GRIP1: variants seen among roughly 807,000 people sequenced by gnomAD.
The protein encoded by GRIP1 is glutamate receptor interacting protein 1.
GRIP1 carries 45 observed loss-of-function variants against 129.9 expected under a neutral mutation model. That is an observed-to-expected ratio of 0.35 (90% CI 0.27 to 0.44). The LOEUF (loss-of-function observed/expected upper bound fraction) is 0.44. GRIP1 is among the 20% of genes least tolerant of loss of function. The pLI is 1.00. For missense variants in GRIP1, 1,196 were observed against 1,396.8 expected (o/e 0.86, Z 2.29); for synonymous variants, 530 against 520.8 (o/e 1.02, Z -0.24).
chr12:66,683,934 T>C (rs1369193151), upstream of GRIP1, among the ~76,000 whole-genome samples: 1 of 152,210 alleles, frequency 6.6e-6, no homozygotes, highest in East Asian at 1.9e-4. Context: ...GAGAGAATGG[T>C]GTAATGGCCA....
At chr12:66,661,712 CT>C (rs1235773894) in intron 1 of GRIP1, among the ~76,000 whole-genome samples, 11 of 152,016 alleles carry the variant, frequency 7.2e-5, no homozygotes, top group Admixed American at 7.2e-4. Flanking sequence ...AAATATTTTT[CT>C]GAGTTTTTGT....
intron 1 of GRIP1, among the ~76,000 whole-genome samples, chr12:66,931,920 C>G (rs528920477): frequency 6.6e-6 from 1 of 152,198 alleles, no homozygotes; most frequent in Non-Finnish European, 1.5e-5. Context: ...TTGAAGGCTT[C>G]TTACAACCAA....
chr12:66,550,060 TAAA>T (rs796651801), intron 2 of GRIP1, among the ~76,000 whole-genome samples: 1 of 151,676 alleles, frequency 6.6e-6, no homozygotes, highest in Non-Finnish European at 1.5e-5. Flanking sequence ...AGCATTAAGT[TAAA>T]AAAAAATCCC....
chr12:66,561,106 C>T (rs1247651067), intron 2 of GRIP1, among the ~76,000 whole-genome samples: 1 of 152,064 alleles, frequency 6.6e-6, no homozygotes, highest in African/African-American at 2.4e-5. Flanking sequence ...CACATGTTGT[C>T]ACTTAATTGT....
intron 16 of GRIP1, among the ~76,000 whole-genome samples, chr12:66,395,169 T>TATGGG (rs2056742748): frequency 6.6e-6 from 1 of 152,226 alleles, no homozygotes; most frequent in Non-Finnish European, 1.5e-5. Flanking sequence ...TGGGCCGCCT[T>TATGGG]CAACGTGATG....
intron 1 of GRIP1, among the ~76,000 whole-genome samples, chr12:66,879,732 C>T (rs917276073): frequency 6.6e-6 from 1 of 152,118 alleles, no homozygotes; most frequent in Non-Finnish European, 1.5e-5. Context: ...TTTCACGGCT[C>T]AACTTGCAGT....
At chr12:66,846,737 C>T (rs2039823800) in intron 1 of GRIP1, among the ~76,000 whole-genome samples, 1 of 152,086 alleles carries the variant, frequency 6.6e-6, no homozygotes, top group African/African-American at 2.4e-5. Context: ...TTTTAAAAGA[C>T]AATTTATTCT....
chr12:66,923,421 A>G (rs1156275870), intron 1 of GRIP1, among the ~76,000 whole-genome samples: 3 of 152,202 alleles, frequency 2.0e-5, no homozygotes, highest in Non-Finnish European at 2.9e-5. Context: ...CATAGTCCAG[A>G]GCATCAACTG....
chr12:66,454,811 T>C (rs553527807), intron 11 of GRIP1, among the ~76,000 whole-genome samples: 34 of 152,316 alleles, frequency 2.2e-4, no homozygotes, highest in African/African-American at 6.0e-4. Flanking sequence ...GAAGTGTATG[T>C]TAGATCACTG....
rs1169331519 is a variant in GRIP1, at chr12:66,451,383, G to GTTTTTTTTT, written c.1354+4017_1354+4025dup. ...CCCCAAAGATTTATTATTATAATCTGTTTTTTTTTTTTTTTTTTTTTTTTT... is the reference window on the plus strand; with the variant it reads ...CCCCAAAGATTTATTATTATAATCTGTTTTTTTTTTTTTTTTTTTTTTTTTTTTTTTTTT... On this transcript the variant is annotated intron_variant, in intron 11 of 24. Coordinates refer to ENST00000359742, the MANE Select transcript of GRIP1 (RefSeq NM_001366722.1). Among the ~76,000 whole-genome samples, 62 of 42,656 alleles carry GTTTTTTTTT rather than the reference G, an allele frequency of 1.5e-3. 13 individuals are homozygous for GTTTTTTTTT. Among genetic ancestry groups the GTTTTTTTTT allele is most frequent in the East Asian group, 6.7e-3 (10 of 1,498 alleles). 28.0% of individuals were successfully genotyped at this position (42,656 alleles called of 152,430 possible). A position where few individuals can be genotyped will look rare whatever the true frequency, so the allele number is the denominator to read the frequency against.
chr12:66,381,931 G>A (rs930071233), intron 19 of GRIP1, among the ~76,000 whole-genome samples: 12 of 152,224 alleles, frequency 7.9e-5, no homozygotes, highest in African/African-American at 2.9e-4. Flanking sequence ...CGCTGACCCA[G>A]AGATTAAAGT....
At chr12:66,915,321 AC>A (rs2041102424) in intron 1 of GRIP1, among the ~76,000 whole-genome samples, 1 of 152,208 alleles carries the variant, frequency 6.6e-6, no homozygotes, top group Admixed American at 6.5e-5. Flanking sequence ...CTGGAGTAAC[AC>A]CATGAGAGTT....
chr12:66,688,154 T>C (rs1207831666), intron 1 of GRIP1, among the ~76,000 whole-genome samples: 1 of 152,206 alleles, frequency 6.6e-6, no homozygotes, highest in Non-Finnish European at 1.5e-5. Context: ...TCGGTCAGTA[T>C]GGTCTCCATT....
At chr12:66,667,725 T>G (rs1257167171) in intron 1 of GRIP1, among the ~76,000 whole-genome samples, 2 of 152,062 alleles carry the variant, frequency 1.3e-5, no homozygotes, top group Admixed American at 1.3e-4. Context: ...TCACTACAGA[T>G]CCATGAATTT....
At chr12:66,450,066 C>T (rs1029297779) in intron 11 of GRIP1, among the ~76,000 whole-genome samples, 1 of 151,064 alleles carries the variant, frequency 6.6e-6, no homozygotes, top group Non-Finnish European at 1.5e-5. Context: ...TTTGGGAGGC[C>T]GAGTCGGGCG....
intron 7 of GRIP1, among the ~76,000 whole-genome samples, chr12:66,475,445 C>A (rs2059575931): frequency 6.6e-6 from 1 of 152,106 alleles, no homozygotes; most frequent in African/African-American, 2.4e-5. Flanking sequence ...ACAAGGATAT[C>A]CAGGAATTGA....
At chr12:66,715,471 T>TGTGTGTGTGTGTGTGTGTGAGAGAGAGA (rs761155485) in intron 1 of GRIP1, among the ~76,000 whole-genome samples, 15 of 110,058 alleles carry the variant, frequency 1.4e-4, no homozygotes, top group Non-Finnish European at 2.5e-4. Flanking sequence ...TGTGTGTGTG[T>TGTGTGTGTGTGTGTGTGTGAGAGAGAGA]GAGAGAGAGA....
At chr12:66,971,265 C>A (rs1021869) in intron 1 of GRIP1, among the ~76,000 whole-genome samples, 3 of 152,074 alleles carry the variant, frequency 2.0e-5, no homozygotes, top group Non-Finnish European at 4.4e-5. Flanking sequence ...GCTGACAGTT[C>A]CAGGAAAACT....
intron 1 of GRIP1, among the ~76,000 whole-genome samples, chr12:66,909,227 C>T (rs574949096): frequency 1.3e-5 from 2 of 152,276 alleles, no homozygotes; most frequent in Admixed American, 6.5e-5. Context: ...GTGACATGAG[C>T]TCCTAGTACT....
Sources: allele counts gnomAD v4.1 joint callset (sites outside exome capture counted in the v4.1 genomes callset), GRCh38; gene constraint gnomAD v4.1.1; transcripts MANE v1.5; gene names NCBI Gene and HGNC (gene_info 2026-07-23, HGNC 2026-07-21).